The following ELAVL2 variants were observed in gnomAD, a reference collection of about 807,000 sequenced individuals.
The protein encoded by ELAVL2 is ELAV-like protein 2.
A neutral mutation model predicts 34.6 loss-of-function variants in ELAVL2; 4 were observed. The ratio of observed to expected loss-of-function variants is 0.12; its 90% CI spans 0.06 to 0.26. The LOEUF is 0.26. Among genes scored for constraint, ELAVL2 ranks in the 10% least tolerant of loss-of-function variants. ELAVL2 has a pLI of 1.00. For synonymous variants in ELAVL2, 193 were observed against 154.8 expected (o/e 1.25, Z -1.83); for missense variants, 432 against 442.8 (o/e 0.98, Z 0.22).
At chr9:23,770,595 G>T (rs1042107656) in intron 1 of ELAVL2, among the ~76,000 whole-genome samples, 1 of 152,090 alleles carries the variant, frequency 6.6e-6, no homozygotes, top group Non-Finnish European at 1.5e-5. Flanking sequence ...AAATCGAAAG[G>T]ACATTGCTGG....
chr9:23,774,762 T>A (rs150750851), intron 1 of ELAVL2, among the ~76,000 whole-genome samples: 198 of 151,254 alleles, frequency 1.3e-3, no homozygotes, highest in African/African-American at 4.7e-3. Context: ...CTCCTTATTC[T>A]GGCTAAGAAC....
Position 23,785,719 on chromosome 9 carries a change from C to T in ELAVL2, c.-15-23470G>A, listed in dbSNP as rs1041665418. 6.6e-5 allele frequency among the ~76,000 whole-genome samples: 10 copies of T among 152,186 alleles called. No homozygotes were observed. In the East Asian group the frequency reaches 1.7e-3, roughly 26 times the overall value. The stretch of plus-strand genomic sequence containing the variant: ...ATGAGCAGCTGCTCCAGGTCTGCAT[C>T]AATCTGTAAACAGGTATTTCCAAAG... On this transcript the variant is annotated intron_variant, in intron 1 of 6. Coordinates refer to ENST00000397312, the MANE Select transcript of ELAVL2 (RefSeq NM_004432.5).
At chr9:23,778,646 G>A (rs1451885188) in intron 1 of ELAVL2, among the ~76,000 whole-genome samples, 6 of 152,110 alleles carry the variant, frequency 3.9e-5, no homozygotes, top group African/African-American at 1.2e-4. Context: ...AAGAGTATAT[G>A]CTTTTCTACC....
At chr9:23,753,401 G>C (rs907864505) in intron 2 of ELAVL2, among the ~76,000 whole-genome samples, 1 of 151,884 alleles carries the variant, frequency 6.6e-6, no homozygotes, top group African/African-American at 2.4e-5. Flanking sequence ...AAGTGCTTCG[G>C]TCTATTCTGA....
chr9:23,796,976 T>C (rs2061007359), intron 1 of ELAVL2, among the ~76,000 whole-genome samples: 1 of 150,852 alleles, frequency 6.6e-6, no homozygotes, highest in Admixed American at 6.6e-5. Context: ...ACAGGGACAA[T>C]GGACTGCAAA....
upstream of ELAVL2, among the ~76,000 whole-genome samples, chr9:23,827,532 AG>A (rs2065361129): frequency 6.6e-6 from 1 of 151,566 alleles, no homozygotes; most frequent in South Asian, 2.1e-4. Flanking sequence ...CATTCTTACC[AG>A]AATGTGTAAA....
intron 3 of ELAVL2, among the ~76,000 whole-genome samples, chr9:23,729,760 G>A (rs559535072): frequency 1.0e-3 from 152 of 151,884 alleles, no homozygotes; most frequent in African/African-American, 3.6e-3. Flanking sequence ...TTTTCTTAGG[G>A]GCCAATAAAT....
chr9:23,721,802 A>C (rs2043804451), intron 3 of ELAVL2, among the ~76,000 whole-genome samples: 1 of 152,216 alleles, frequency 6.6e-6, no homozygotes, highest in Non-Finnish European at 1.5e-5. Context: ...TGATTCTCTT[A>C]ACCTTTTCTT....
intron 3 of ELAVL2, among the ~76,000 whole-genome samples, chr9:23,715,179 G>A (rs2041979339): frequency 6.6e-6 from 1 of 151,966 alleles, no homozygotes; most frequent in African/African-American, 2.4e-5. Context: ...TTTCTTTTTT[G>A]AGGCAGAGTC....
intron 2 of ELAVL2, among the ~76,000 whole-genome samples, chr9:23,749,838 C>A (rs1175885309): frequency 6.6e-6 from 1 of 151,990 alleles, no homozygotes; most frequent in African/African-American, 2.4e-5. Context: ...TGGGATCTGG[C>A]CTGAGACCTT....
rs535942057 is a variant in ELAVL2 at position 23,811,146 on chromosome 9, AC to A, written c.-16+14659del. Among the ~76,000 whole-genome samples, 304 of 152,218 alleles carry A rather than the reference AC, an allele frequency of 2.0e-3. 4 individuals carry two copies. The highest frequency in any genetic ancestry group is 6.9e-3 in the African/African-American group (287 of 41,534). ...TATTCACTCTAAAACCAAAGATTTC[AC>A]CCTACCATCCACAAAACAATGTTTA... On this transcript the variant is annotated intron_variant, in intron 1 of 6. Coordinates refer to ENST00000397312, the MANE Select transcript of ELAVL2 (RefSeq NM_004432.5).
chr9:23,771,279 A>G (rs1588316055), intron 1 of ELAVL2, among the ~76,000 whole-genome samples: 1 of 152,282 alleles, frequency 6.6e-6, no homozygotes, highest in Middle Eastern at 3.4e-3. Flanking sequence ...TCCATTGTCA[A>G]AAAACTGGTT....
intron 2 of ELAVL2, among the ~76,000 whole-genome samples, chr9:23,756,778 A>G (rs2053657701): frequency 6.6e-6 from 1 of 152,168 alleles, no homozygotes; most frequent in Admixed American, 6.5e-5. Context: ...TAAATCTAGA[A>G]TTCAGGTAAA....
upstream of ELAVL2, among the ~76,000 whole-genome samples, chr9:23,830,584 C>CT (rs2065466826): frequency 8.1e-6 from 1 of 123,110 alleles, no homozygotes; most frequent in African/African-American, 2.9e-5. Context: ...TTGGTTCTCC[C>CT]TTCCCAGCCC....
At chr9:23,824,001 T>G (rs2065121505) in intron 1 of ELAVL2, among the ~76,000 whole-genome samples, 1 of 152,106 alleles carries the variant, frequency 6.6e-6, no homozygotes, top group African/African-American at 2.4e-5. Context: ...CTGGAGTGTT[T>G]GTACATGAGA....
chr9:23,700,081 G>GA (rs552162819), intron 5 of ELAVL2, among the ~76,000 whole-genome samples: 140 of 151,624 alleles, frequency 9.2e-4, no homozygotes, highest in Non-Finnish European at 1.7e-3. Context: ...ATATTCCAAT[G>GA]AAAAAAATAA....
chr9:23,735,336 G>A (rs1263086524), intron 2 of ELAVL2: 2 of 152,004 alleles, frequency 1.3e-5, no homozygotes, highest in East Asian at 3.9e-4. Context: ...GATGGCAGTG[G>A]GCATGATCTC....
chr9:23,696,636 A>T, intron 5 of ELAVL2, among the ~76,000 whole-genome samples: 1 of 151,542 alleles, frequency 6.6e-6, no homozygotes, highest in African/African-American at 2.4e-5. Flanking sequence ...CGTCCGGCTA[A>T]TTTTTTTTGT....
At chr9:23,761,570 A>G (rs1317769091) in intron 2 of ELAVL2, among the ~76,000 whole-genome samples, 1 of 152,090 alleles carries the variant, frequency 6.6e-6, no homozygotes. Context: ...GAACATTACC[A>G]TTTATTTTAT....
Sources: allele counts gnomAD v4.1 joint callset (sites outside exome capture counted in the v4.1 genomes callset), GRCh38; gene constraint gnomAD v4.1.1; transcripts MANE v1.5; gene names NCBI Gene and HGNC (gene_info 2026-07-23, HGNC 2026-07-21).